TMEM117: variants seen among roughly 807,000 people sequenced by gnomAD.
The protein encoded by TMEM117 is transmembrane protein 117.
Under a neutral mutation model 52.4 loss-of-function variants are expected in TMEM117, and 27 were observed. That is an observed-to-expected ratio of 0.51 (90% CI 0.38 to 0.71). TMEM117 has a LOEUF of 0.71. TMEM117 is among the 30% of genes least tolerant of loss of function. The probability of loss-of-function intolerance (pLI) is 0.00; values close to 1 mark genes in which losing one functional copy is unlikely to be tolerated. For missense variants in TMEM117, 556 were observed against 630.5 expected (o/e 0.88, Z 1.26); for synonymous variants, 215 against 206.3 (o/e 1.04, Z -0.36).
At chr12:43,950,044 G>A (rs1945194839) in intron 3 of TMEM117, among the ~76,000 whole-genome samples, 1 of 152,050 alleles carries the variant, frequency 6.6e-6, no homozygotes, top group South Asian at 2.1e-4. Flanking sequence ...TATCCACTTT[G>A]ATTTATCAAG....
At chr12:44,307,943 G>C (rs1950924108) in intron 6 of TMEM117, among the ~76,000 whole-genome samples, 2 of 152,220 alleles carry the variant, frequency 1.3e-5, no homozygotes, top group African/African-American at 4.8e-5. Context: ...GCATTCACTT[G>C]AAAATGAAAC....
intron 3 of TMEM117, among the ~76,000 whole-genome samples, chr12:44,069,454 T>A (rs1280062701): frequency 6.6e-6 from 1 of 151,956 alleles, no homozygotes; most frequent in Non-Finnish European, 1.5e-5. Flanking sequence ...GAAGAATCAG[T>A]AAAAATGAAA....
At chr12:44,092,757 C>T (rs978915199) in intron 3 of TMEM117, among the ~76,000 whole-genome samples, 1 of 152,172 alleles carries the variant, frequency 6.6e-6, no homozygotes, top group Non-Finnish European at 1.5e-5. Context: ...AAGAACTATT[C>T]ATTCTTTCAC....
intron 5 of TMEM117, among the ~76,000 whole-genome samples, chr12:44,217,453 T>G (rs1417141552): frequency 6.6e-6 from 1 of 152,242 alleles, no homozygotes; most frequent in Non-Finnish European, 1.5e-5. Flanking sequence ...GTGCCAGCTC[T>G]TGTTTTCAAA....
chr12:43,876,707 A>G (rs533634871), intron 2 of TMEM117, among the ~76,000 whole-genome samples: 1 of 152,234 alleles, frequency 6.6e-6, no homozygotes, highest in African/African-American at 2.4e-5. Context: ...TCATTAAGGT[A>G]TTGCGTTTTC....
intron 6 of TMEM117, among the ~76,000 whole-genome samples, chr12:44,337,227 C>T (rs185814656): frequency 6.6e-6 from 1 of 152,078 alleles, no homozygotes; most frequent in Non-Finnish European, 1.5e-5. Context: ...CTCTCTGCTT[C>T]CAAGATGGCA....
chr12:43,827,912 C>G, the TMEM117 span, among the ~76,000 whole-genome samples: 1 of 152,126 alleles, frequency 6.6e-6, no homozygotes, highest in East Asian at 1.9e-4. Flanking sequence ...CACACAGACA[C>G]AGAAGAGAGG....
chr12:43,848,693 G>T (rs1020661861), intron 2 of TMEM117, among the ~76,000 whole-genome samples: 2 of 152,130 alleles, frequency 1.3e-5, no homozygotes, highest in African/African-American at 4.8e-5. Context: ...GATCACAGTG[G>T]TCCTGAGGTG....
intron 4 of TMEM117, among the ~76,000 whole-genome samples, chr12:44,156,404 T>G (rs1424750497): frequency 6.6e-6 from 1 of 152,086 alleles, no homozygotes; most frequent in Non-Finnish European, 1.5e-5. Context: ...GGTGCTCTAA[T>G]CAGTTTTTAC....
At chr12:44,383,795 T>C (rs1478718322) in intron 7 of TMEM117, among the ~76,000 whole-genome samples, 1 of 152,184 alleles carries the variant, frequency 6.6e-6, no homozygotes, top group Non-Finnish European at 1.5e-5. Flanking sequence ...ATCTGGGTCA[T>C]TTCAGGGACT....
chr12:43,800,725 G>A, the TMEM117 span, among the ~76,000 whole-genome samples: 1 of 152,152 alleles, frequency 6.6e-6, no homozygotes, highest in African/African-American at 2.4e-5. Context: ...TCAATGGTTA[G>A]TAAGATGGAC....
At chr12:44,290,249 T>G (rs1158123688) in intron 5 of TMEM117, among the ~76,000 whole-genome samples, 1 of 152,188 alleles carries the variant, frequency 6.6e-6, no homozygotes, top group Non-Finnish European at 1.5e-5. Flanking sequence ...TTGCTTATTT[T>G]TATTTTTTTG....
At chr12:43,965,984 A>C (rs1423543200) in intron 3 of TMEM117, among the ~76,000 whole-genome samples, 1 of 152,156 alleles carries the variant, frequency 6.6e-6, no homozygotes, top group Admixed American at 6.6e-5. Flanking sequence ...CTCCCACTTA[A>C]AAGTGAGGAC....
At chr12:44,081,183 A>G (rs1272113443) in intron 3 of TMEM117, among the ~76,000 whole-genome samples, 2 of 152,212 alleles carry the variant, frequency 1.3e-5, no homozygotes, top group Non-Finnish European at 2.9e-5. Flanking sequence ...CATGAAGCAG[A>G]AAAATATTGG....
chr12:44,145,041 C>T (rs1226093159), intron 4 of TMEM117, among the ~76,000 whole-genome samples: 3 of 152,120 alleles, frequency 2.0e-5, no homozygotes, highest in African/African-American at 7.2e-5. Context: ...CCTGTAGTCC[C>T]AGCTACTCGG....
chr12:44,243,838 A>G (rs1950095351), intron 5 of TMEM117, among the ~76,000 whole-genome samples: 1 of 151,550 alleles, frequency 6.6e-6, no homozygotes, highest in African/African-American at 2.4e-5. Flanking sequence ...TATACATTCA[A>G]CTTTTTAAGA....
intron 6 of TMEM117, among the ~76,000 whole-genome samples, chr12:44,314,816 T>C (rs1219285333): frequency 6.6e-6 from 1 of 152,206 alleles, no homozygotes; most frequent in Non-Finnish European, 1.5e-5. Flanking sequence ...TTTTTTGAAA[T>C]AGTTTCAATA....
rs1040750527 is a variant in TMEM117 at position 44,069,092 on chromosome 12, G to T, written c.411-74433G>T. Among the ~76,000 whole-genome samples, 16 of 152,272 alleles carry T rather than the reference G, an allele frequency of 1.1e-4. No individual in the cohort carries two copies. The East Asian group carries it at 2.7e-3, about 26-fold the overall frequency. ...GGTTTTTAGTTATGTTTATTTAGGT[G>T]ATGACTGACTATGCATATTGCTTGT... On this transcript the variant is annotated intron_variant, in intron 3 of 7. Coordinates refer to ENST00000266534, the MANE Select transcript of TMEM117 (RefSeq NM_032256.3).
chr12:43,890,730 C>T (rs1359910392), intron 2 of TMEM117, among the ~76,000 whole-genome samples: 1 of 152,030 alleles, frequency 6.6e-6, no homozygotes, highest in Non-Finnish European at 1.5e-5. Context: ...CGGGGTTTCA[C>T]CATCTTGGCC....
Sources: gnomAD v4.1 joint callset for allele counts (sites outside exome capture counted in the v4.1 genomes callset) on GRCh38, gnomAD v4.1.1 for gene constraint, MANE v1.5 for transcripts, NCBI Gene and HGNC (gene_info 2026-07-23, HGNC 2026-07-21) for gene names.